LUZP2: variants seen among roughly 807,000 people sequenced by gnomAD.
LUZP2 encodes leucine zipper protein 2.
In LUZP2, 52 loss-of-function variants were observed where a neutral mutation model predicts 51.6. The ratio of observed to expected loss-of-function variants is 1.01; its 90% CI spans 0.81 to 1.27. The LOEUF (loss-of-function observed/expected upper bound fraction) is 1.27. LUZP2 is among the 50% of genes most tolerant of loss of function. The probability of loss-of-function intolerance (pLI) is 0.00; values close to 1 mark genes in which losing one functional copy is unlikely to be tolerated. For missense variants in LUZP2, 436 were observed against 395.4 expected, an observed-to-expected ratio of 1.10 and a Z score of -0.87; for synonymous variants, 154 against 137.3, an observed-to-expected ratio of 1.12 and a Z score of -0.85.
intron 5 of LUZP2, chr11:24,892,455 C>A (rs892173950): frequency 1.1e-6 from 1 of 896,930 alleles, no homozygotes. Flanking sequence ...AACATTTATA[C>A]CATCCAGAAA....
intron 5 of LUZP2, among the ~76,000 whole-genome samples, chr11:24,798,672 T>C (rs1311634523): frequency 6.6e-6 from 1 of 152,118 alleles, no homozygotes; most frequent in Non-Finnish European, 1.5e-5. Flanking sequence ...GTATAGGCTG[T>C]GGGAGACTAG....
intron 9 of LUZP2, among the ~76,000 whole-genome samples, chr11:24,993,136 A>G (rs1309309679): frequency 1.3e-5 from 2 of 152,162 alleles, no homozygotes; most frequent in African/African-American, 2.4e-5. Context: ...GGTAAATTGT[A>G]AAGTTAGAAT....
chr11:24,725,816 A>G (rs1218203981), intron 1 of LUZP2, among the ~76,000 whole-genome samples: 1 of 152,202 alleles, frequency 6.6e-6, no homozygotes, highest in Non-Finnish European at 1.5e-5. Context: ...TAAAGTTAAA[A>G]TAAGGTCTCT....
intron 1 of LUZP2, among the ~76,000 whole-genome samples, chr11:24,683,710 T>C (rs777806958): frequency 1.3e-5 from 2 of 152,220 alleles, no homozygotes; most frequent in Non-Finnish European, 2.9e-5. Context: ...ACATAATTTA[T>C]ATTTCTCTTC....
chr11:24,907,008 T>C (rs997578936), intron 6 of LUZP2, among the ~76,000 whole-genome samples: 1 of 152,210 alleles, frequency 6.6e-6, no homozygotes, highest in African/African-American at 2.4e-5. Flanking sequence ...AATTATGGCA[T>C]GACCACTGAT....
intron 5 of LUZP2, among the ~76,000 whole-genome samples, chr11:24,863,227 C>A (rs1177588247): frequency 6.6e-6 from 1 of 152,090 alleles, no homozygotes; most frequent in East Asian, 1.9e-4. Context: ...AATCAAAACC[C>A]ATTTTCATAC....
intron 10 of LUZP2, among the ~76,000 whole-genome samples, chr11:25,070,286 G>A (rs556531944): frequency 6.6e-6 from 1 of 151,988 alleles, no homozygotes; most frequent in African/African-American, 2.4e-5. Context: ...TCCCCCAGAA[G>A]TGTATTTATT....
intron 1 of LUZP2, among the ~76,000 whole-genome samples, chr11:24,535,137 TA>T (rs11367062): frequency 0.56 from 82,668 of 147,266 alleles, 23,598 homozygotes; most frequent in East Asian, 0.82. Context: ...CTTCATTGCT[TA>T]AAAAAAAAAA....
At chr11:25,007,630 C>T (rs1025122906) in intron 9 of LUZP2, among the ~76,000 whole-genome samples, 1 of 151,898 alleles carries the variant, frequency 6.6e-6, no homozygotes, top group East Asian at 1.9e-4. Context: ...CAAAACAAAA[C>T]AAAACAACAC....
chr11:24,663,694 T>A (rs1182458351), intron 1 of LUZP2, among the ~76,000 whole-genome samples: 1 of 152,162 alleles, frequency 6.6e-6, no homozygotes. Flanking sequence ...TAAATTGTAG[T>A]TCCCATAATC....
chr11:24,869,820 C>G (rs779773945), intron 5 of LUZP2, among the ~76,000 whole-genome samples: 1 of 151,980 alleles, frequency 6.6e-6, no homozygotes, highest in Non-Finnish European at 1.5e-5. Flanking sequence ...TAGTAATACC[C>G]TACAATGAAA....
chr11:24,519,722 G>A (rs771298310), intron 1 of LUZP2, among the ~76,000 whole-genome samples: 71 of 152,218 alleles, frequency 4.7e-4, no homozygotes, highest in Non-Finnish European at 8.8e-5. Context: ...GTGAAGAATT[G>A]CACTTCAGAT....
chr11:24,954,087 C>G (rs1488982006), intron 7 of LUZP2, among the ~76,000 whole-genome samples: 1 of 151,828 alleles, frequency 6.6e-6, no homozygotes, highest in Non-Finnish European at 1.5e-5. Context: ...ATGGCAAACA[C>G]TTGTTACAGC....
chr11:24,891,396 A>C (rs1439721793), intron 5 of LUZP2: 3 of 960,214 alleles, frequency 3.1e-6, no homozygotes, highest in Non-Finnish European at 3.7e-6. Context: ...ACATACACCC[A>C]CATTCATTAT....
chr11:24,664,462 C>T (rs559512208), intron 1 of LUZP2, among the ~76,000 whole-genome samples: 4 of 152,202 alleles, frequency 2.6e-5, no homozygotes, highest in South Asian at 4.1e-4. Context: ...ATTTGAGGAG[C>T]CAAGTGTTAA....
At chr11:25,053,591 C>T (rs904974106) in intron 10 of LUZP2, among the ~76,000 whole-genome samples, 1 of 150,576 alleles carries the variant, frequency 6.6e-6, no homozygotes, top group East Asian at 2.0e-4. Flanking sequence ...CACACTAAGC[C>T]TCAGGCAACC....
chr11:24,899,977 G>A (rs12283661), intron 5 of LUZP2, among the ~76,000 whole-genome samples: 2 of 152,074 alleles, frequency 1.3e-5, no homozygotes, highest in African/African-American at 4.8e-5. Flanking sequence ...AGTCTCTTTT[G>A]TTATATATAT....
intron 7 of LUZP2, among the ~76,000 whole-genome samples, chr11:24,938,604 A>G (rs1458279459): frequency 2.0e-5 from 3 of 151,974 alleles, no homozygotes; most frequent in East Asian, 1.9e-4. Context: ...AGCAGAAACT[A>G]TGTTAACTCA....
At chr11:24,900,171 T>G (rs1853229730) in intron 5 of LUZP2, among the ~76,000 whole-genome samples, 1 of 152,204 alleles carries the variant, frequency 6.6e-6, no homozygotes, top group Non-Finnish European at 1.5e-5. Context: ...CTTCTAAGAG[T>G]ATTACATTCT....
Sources: gnomAD v4.1 joint callset for allele counts (sites outside exome capture counted in the v4.1 genomes callset) on GRCh38, gnomAD v4.1.1 for gene constraint, MANE v1.5 for transcripts, NCBI Gene and HGNC (gene_info 2026-07-23, HGNC 2026-07-21) for gene names.